The following DZANK1 variants were observed in gnomAD, a reference collection of about 807,000 sequenced individuals.
The protein encoded by DZANK1 is double zinc ribbon and ankyrin repeat-containing protein 1.
DZANK1 carries 91 observed loss-of-function variants against 94.5 expected under a neutral mutation model. That is an observed-to-expected ratio of 0.96 (90% CI 0.81 to 1.15). The LOEUF is 1.15. DZANK1 is among the 50% of genes most tolerant of loss of function. The probability of loss-of-function intolerance (pLI) is 0.00; values close to 1 mark genes in which losing one functional copy is unlikely to be tolerated. For synonymous variants in DZANK1, 312 were observed against 325.3 expected (o/e 0.96, Z 0.44); for missense variants, 903 against 916.4 (o/e 0.99, Z 0.19).
At position 18,406,065 on chromosome 20, in the gene DZANK1, C is replaced by CGCCACTG. The variant is rs532521728; in HGVS notation, c.1432+6574_1432+6580dup. Among the ~76,000 whole-genome samples, 801 of 152,354 alleles carry CGCCACTG rather than the reference C, an allele frequency of 5.3e-3. 4 individuals carry two copies. The highest frequency in any genetic ancestry group is 0.027 in the Middle Eastern group (8 of 294). ...TGAACTTGAATTTCTCAGCAAGCCT[C>CGCCACTG]GCCACTGGTGGCCGAGGTGCTCTGG... On this transcript the variant is annotated intron_variant, in intron 13 of 20. Coordinates refer to ENST00000262547, the Ensembl canonical transcript of DZANK1.
rs375389042 is a variant in DZANK1 at position 18,405,817 on chromosome 20, T to G, written c.1432+6829A>C. ...GGCAGGAGAGACGGTCTTGAATCAC[T>G]GATACCATCCTTCCCCATCCCCCAG... On this transcript the variant is annotated intron_variant, in intron 13 of 20. Transcript: ENST00000262547. 8.1e-4 allele frequency among the ~76,000 whole-genome samples: 124 copies of G among 152,336 alleles called. No individual in the cohort carries two copies. The South Asian group carries it at 0.024, about 29-fold the overall frequency.
intron 17 of DZANK1, among the ~76,000 whole-genome samples, 166 bp downstream of exon 17, chr20:18,393,545 C>G (rs907219252): frequency 6.6e-6 from 1 of 152,154 alleles, no homozygotes; most frequent in African/African-American, 2.4e-5. Flanking sequence ...AATTCATAAT[C>G]TTGAGATACT....
chr20:18,432,850 A>G (rs1291318860), intron 9 of DZANK1: 2 of 152,220 alleles, frequency 1.3e-5, no homozygotes, highest in East Asian at 3.8e-4. Flanking sequence ...ATGTTTAAAG[A>G]TTCTATCAAA....
At chr20:18,419,799 T>C (rs1459585646) in intron 10 of DZANK1, among the ~76,000 whole-genome samples, 1 of 151,264 alleles carries the variant, frequency 6.6e-6, no homozygotes, top group African/African-American at 2.4e-5. Context: ...AGTTCCTCTG[T>C]GTGAAGGGAT....
At chr20:18,439,264 A>C (rs1261776577) in intron 8 of DZANK1, among the ~76,000 whole-genome samples, 3 of 152,186 alleles carry the variant, frequency 2.0e-5, no homozygotes, top group Non-Finnish European at 4.4e-5. Flanking sequence ...CCCTTGGGGA[A>C]GCGTTCAAGG....
At chr20:18,422,799 C>T (rs371627851) in intron 10 of DZANK1, among the ~76,000 whole-genome samples, 87 of 124,774 alleles carry the variant, frequency 7.0e-4, no homozygotes, top group Non-Finnish European at 1.0e-3. Flanking sequence ...TGGCTTTGTT[C>T]TTTTTTTTTT....
At chr20:18,431,700 T>C (rs2058293314) in intron 9 of DZANK1, among the ~76,000 whole-genome samples, 1 of 152,208 alleles carries the variant, frequency 6.6e-6, no homozygotes, top group Admixed American at 6.5e-5. Flanking sequence ...AAATCAAGTC[T>C]GGTTAAAACC....
chr20:18,384,217 G>A (rs1281651632), exon 21 of DZANK1: 10 of 535,328 alleles, frequency 1.9e-5, no homozygotes, highest in Admixed American at 1.1e-4. Context: ...GCACCACTAC[G>A]CCCGACTAAT....
exon 16 of DZANK1, chr20:18,394,325 T>C (rs1244620795): frequency 1.2e-6 from 2 of 1,613,698 alleles, no homozygotes; most frequent in Non-Finnish European, 1.7e-6. Flanking sequence ...ATCGCTGAAA[T>C]TCACTGCCTT....
At chr20:18,434,545 C>CAAAAA (rs55680576) in intron 8 of DZANK1, among the ~76,000 whole-genome samples, 1 of 47,552 alleles carries the variant, frequency 2.1e-5, no homozygotes, top group African/African-American at 8.3e-5. Context: ...GACTCCTGCT[C>CAAAAA]AAAAAAAAAA....
At chr20:18,421,803 T>C (rs2057794862) in intron 10 of DZANK1, among the ~76,000 whole-genome samples, 1 of 152,198 alleles carries the variant, frequency 6.6e-6, no homozygotes, top group Non-Finnish European at 1.5e-5. Flanking sequence ...TCATCCACCC[T>C]GGAGCATCAT....
At chr20:18,386,305 A>T (rs984232310) in intron 19 of DZANK1, among the ~76,000 whole-genome samples, 1 of 152,198 alleles carries the variant, frequency 6.6e-6, no homozygotes, top group African/African-American at 2.4e-5. Context: ...CCGTTCTCTT[A>T]TACACAGAGT....
rs533593065 is a variant in DZANK1, at chr20:18,385,843, G to A, written c.2019-753C>T. Among the ~76,000 whole-genome samples the A allele has an allele frequency of 3.9e-5, 6 of 152,286 alleles. No individual in the cohort carries two copies. In the South Asian group the frequency reaches 1.2e-3, roughly 32 times the overall value. ...CACCAATCTTAGAAACCAGGGGGCA[G>A]GCCTGAGAGGTCAGACACAGCATAT... On this transcript the variant is annotated intron_variant, in intron 19 of 20. Transcript: ENST00000262547.
intron 13 of DZANK1, among the ~76,000 whole-genome samples, chr20:18,400,509 G>T (rs997443637): frequency 6.6e-6 from 1 of 152,182 alleles, no homozygotes; most frequent in Non-Finnish European, 1.5e-5. Context: ...TGAAGTTGGA[G>T]GCAGCAAAGT....
chr20:18,394,290 C>G, exon 16 of DZANK1: 1 of 1,613,830 alleles, frequency 6.2e-7, no homozygotes, highest in Non-Finnish European at 8.5e-7. Flanking sequence ...CCCCCATCAC[C>G]CTCGGCAGCA....
At chr20:18,433,481 G>A in intron 9 of DZANK1, 171 bp downstream of exon 9, 1 of 583,882 alleles carries the variant, frequency 1.7e-6, no homozygotes, top group Non-Finnish European at 3.0e-6. Context: ...GGCGGAGGTT[G>A]CAGTGAGCTG....
intron 13 of DZANK1, among the ~76,000 whole-genome samples, chr20:18,408,677 T>C (rs2057081351): frequency 6.6e-6 from 1 of 152,202 alleles, no homozygotes; most frequent in South Asian, 2.1e-4. Flanking sequence ...CAAAAATATC[T>C]TTCAAACATG....
At chr20:18,452,071 GT>G (rs11470327) in intron 6 of DZANK1, 168,978 of 297,454 alleles carry the variant, frequency 0.57, 35,451 homozygotes, top group African/African-American at 0.73. Flanking sequence ...TTTAGGGGTG[GT>G]TTTTTTTTTT....
At chr20:18,462,547 C>T (rs2059505302) in intron 2 of DZANK1, among the ~76,000 whole-genome samples, 1 of 151,884 alleles carries the variant, frequency 6.6e-6, no homozygotes, top group Non-Finnish European at 1.5e-5. Flanking sequence ...AAATCAAAAC[C>T]ACAGTGAGAC....
Sources: gnomAD v4.1 joint callset for allele counts (sites outside exome capture counted in the v4.1 genomes callset) on GRCh38, gnomAD v4.1.1 for gene constraint, MANE v1.5 for transcripts, NCBI Gene and HGNC (gene_info 2026-07-23, HGNC 2026-07-21) for gene names.